Variants in AAK1 observed in about 807,000 individuals in gnomAD.
The protein encoded by AAK1 is AP2-associated protein kinase 1.
AAK1 carries 37 observed loss-of-function variants against 116.0 expected under a neutral mutation model. The observed-to-expected ratio is 0.32, with a 90% CI of 0.25 to 0.42. AAK1 has a LOEUF of 0.42. Among genes scored for constraint, AAK1 ranks in the 10% least tolerant of loss-of-function variants. The pLI is 1.00. For missense variants in AAK1, 919 were observed against 1,170.6 expected (o/e 0.79, Z 3.14); for synonymous variants, 458 against 439.9 (o/e 1.04, Z -0.51).
chr2:69,587,428 T>C (rs1307488641), intron 2 of AAK1, among the ~76,000 whole-genome samples: 3 of 151,256 alleles, frequency 2.0e-5, no homozygotes, highest in Non-Finnish European at 4.4e-5. Flanking sequence ...TATACACATA[T>C]ATATACATAT....
At chr2:69,530,454 T>C (rs757842570) in intron 7 of AAK1, among the ~76,000 whole-genome samples, 171 bp downstream of exon 7, 5 of 152,240 alleles carry the variant, frequency 3.3e-5, no homozygotes, top group Non-Finnish European at 5.9e-5. Context: ...TTCTTTATCA[T>C]GCTTCAAGAA....
chr2:69,534,962 T>C (rs1670401674), intron 5 of AAK1, among the ~76,000 whole-genome samples: 1 of 152,256 alleles, frequency 6.6e-6, no homozygotes, highest in Admixed American at 6.5e-5. Context: ...AAAAGGGCAC[T>C]GTGTTATGCC....
At chr2:69,533,699 G>C (rs534293425) in intron 5 of AAK1, among the ~76,000 whole-genome samples, 1 of 152,316 alleles carries the variant, frequency 6.6e-6, no homozygotes, top group East Asian at 1.9e-4. Flanking sequence ...TGTTCTTCCA[G>C]AGAGGATATA....
rs1674489297 is a variant in AAK1 at position 69,466,456 on chromosome 2, A to T, written c.*9413T>A. ...TGAGTCTTTGTGCCAGGTACTCTGG[A>T]GGGGTCTGGATACAGCGGAAGGCCT... On this transcript the variant is annotated 3_prime_UTR_variant, in exon 22 of 22. Coordinates refer to ENST00000409085, the MANE Select transcript of AAK1 (RefSeq NM_014911.5). 1 of 1,288,798 alleles carries T rather than the reference A, an allele frequency of 7.8e-7. No homozygotes were observed. The highest frequency in any genetic ancestry group is 1.5e-5 in the African/African-American group (1 of 65,834). The allele number at this position is 1,288,798 out of a possible 1,614,324, so 79.8% of individuals were successfully genotyped here.
chr2:69,474,956 T>TGGGGGGG lies in AAK1; in HGVS notation c.*912_*913insCCCCCCC. 1 of 979,986 alleles carries TGGGGGGG rather than the reference T, an allele frequency of 1.0e-6. No individual in the cohort carries two copies. Among genetic ancestry groups the TGGGGGGG allele is most frequent in the Non-Finnish European group, 1.2e-6 (1 of 826,256 alleles). The allele number at this position is 979,986 out of a possible 1,614,324, so 60.7% of individuals were successfully genotyped here. A position where few individuals can be genotyped will look rare whatever the true frequency, so the allele number is the denominator to read the frequency against. Reference sequence around the variant, plus strand: ...TACATCTGTTTCTGCTACAATTCCTTCCCCTCCCCATCCTCCCCCCACCCC... The same window carrying TGGGGGGG: ...TACATCTGTTTCTGCTACAATTCCTTGGGGGGGCCCCTCCCCATCCTCCCCCCACCCC... On this transcript the variant is annotated 3_prime_UTR_variant, in exon 22 of 22. Transcript: ENST00000409085.
intron 2 of AAK1, among the ~76,000 whole-genome samples, chr2:69,638,875 G>A (rs776410189): frequency 6.6e-6 from 1 of 152,172 alleles, no homozygotes; most frequent in Non-Finnish European, 1.5e-5. Context: ...TATCTCAGGT[G>A]TTGAGCTCTG....
intron 11 of AAK1, 146 bp downstream of exon 11, chr2:69,520,688 C>G: frequency 1.0e-6 from 1 of 963,264 alleles, no homozygotes; most frequent in Non-Finnish European, 1.5e-6. Flanking sequence ...ATTTCAAGGG[C>G]AGCTTCCTCC....
intron 9 of AAK1, among the ~76,000 whole-genome samples, chr2:69,526,091 G>A (rs1173088334): frequency 4.6e-5 from 7 of 152,120 alleles, no homozygotes; most frequent in African/African-American, 1.7e-4. Flanking sequence ...GTTGACTTCT[G>A]TGACTGTTAA....
In AAK1 at chr2:69,473,948, T is replaced by G; in HGVS notation, c.*1921A>C. 1 of 985,882 alleles carries G rather than the reference T, an allele frequency of 1.0e-6. No homozygotes were observed. The highest frequency in any genetic ancestry group is 1.2e-6 in the Non-Finnish European group (1 of 829,940). The allele number at this position is 985,882 out of a possible 1,614,324, so 61.1% of individuals were successfully genotyped here. ...CCCTTCGTGGATATCTTTTGCTTTT[T>G]AATCCTCGGCAGGAAGCTTGTGCCT... On this transcript the variant is annotated 3_prime_UTR_variant, in exon 22 of 22. Transcript: ENST00000409085.
intron 3 of AAK1, among the ~76,000 whole-genome samples, chr2:69,545,068 C>T (rs1670869645): frequency 1.3e-5 from 2 of 151,672 alleles, no homozygotes; most frequent in Non-Finnish European, 1.5e-5. Context: ...GAAGGGACTA[C>T]AATAGCATCC....
intron 2 of AAK1, among the ~76,000 whole-genome samples, chr2:69,575,691 C>T (rs1672287056): frequency 6.6e-6 from 1 of 152,116 alleles, no homozygotes; most frequent in African/African-American, 2.4e-5. Flanking sequence ...TGGTCTCGAA[C>T]TCTTAACCTC....
chr2:69,537,296 C>A (rs971320724), intron 5 of AAK1, among the ~76,000 whole-genome samples: 10 of 152,244 alleles, frequency 6.6e-5, no homozygotes, highest in African/African-American at 2.4e-4. Flanking sequence ...AACAGCACTT[C>A]TGCTATGGTT....
intron 2 of AAK1, among the ~76,000 whole-genome samples, chr2:69,615,998 G>C (rs1438245603): frequency 6.6e-6 from 1 of 152,166 alleles, no homozygotes; most frequent in African/African-American, 2.4e-5. Flanking sequence ...CACTTTGGGA[G>C]GTCAAGGCAG....
intron 17 of AAK1, among the ~76,000 whole-genome samples, chr2:69,493,828 G>A (rs1675635624): frequency 6.6e-6 from 1 of 152,182 alleles, no homozygotes; most frequent in African/African-American, 2.4e-5. Context: ...AAACTGAAGG[G>A]AAGGCTTTCC....
At position 69,504,394 on chromosome 2, in the gene AAK1, T is replaced by C. The variant is rs550886229; in HGVS notation, c.2269+1175A>G. The stretch of plus-strand genomic sequence containing the variant: ...GCCTGGGCGACAGAATGAGACTCCA[T>C]CTCAAAAAAAAAAAAAAAAAAAAAA... On this transcript the variant is annotated intron_variant, in intron 16 of 21. Transcript: ENST00000409085. Among the ~76,000 whole-genome samples the C allele has an allele frequency of 4.0e-3, 299 of 73,982 alleles. 1 individual carries two copies. The highest frequency in any genetic ancestry group is 5.9e-3 in the Non-Finnish European group (262 of 44,102). 48.5% of individuals were successfully genotyped at this position (73,982 alleles called of 152,430 possible).
rs551704372 is a variant in AAK1, at chr2:69,470,236, G to A, written c.*5633C>T. The A allele has an allele frequency of 2.1e-5, 21 of 985,374 alleles. No homozygotes were observed. The highest frequency in any genetic ancestry group is 7.0e-5 in the African/African-American group (4 of 57,338). The allele number at this position is 985,374 out of a possible 1,614,324, so 61.0% of individuals were successfully genotyped here. A position where few individuals can be genotyped will look rare whatever the true frequency, so the allele number is the denominator to read the frequency against. ...ATGATTCTTGCCAAAAACAGAAAAC[G>A]AAGACTTGGAGCATTGAGAAGAAGC... On this transcript the variant is annotated 3_prime_UTR_variant, in exon 22 of 22. Transcript: ENST00000409085.
intron 2 of AAK1, 67 bp downstream of exon 2, chr2:69,642,811 C>G: frequency 6.2e-7 from 1 of 1,604,916 alleles, no homozygotes. Flanking sequence ...CATGCAACAA[C>G]TAGAAACCAC....
intron 14 of AAK1, among the ~76,000 whole-genome samples, chr2:69,507,864 G>A (rs1296776267): frequency 3.3e-5 from 5 of 151,972 alleles, no homozygotes; most frequent in African/African-American, 4.8e-5. Context: ...ATGCCACCAC[G>A]CCTGGCTAAT....
intron 2 of AAK1, among the ~76,000 whole-genome samples, chr2:69,558,555 C>T (rs17036772): frequency 0.47 from 72,003 of 151,872 alleles, 17,932 homozygotes; most frequent in East Asian, 0.77. Context: ...TTACACTGGA[C>T]GCTCAGTCCA....
Sources: gnomAD v4.1 joint callset for allele counts (sites outside exome capture counted in the v4.1 genomes callset) on GRCh38, gnomAD v4.1.1 for gene constraint, MANE v1.5 for transcripts, NCBI Gene and HGNC (gene_info 2026-07-23, HGNC 2026-07-21) for gene names.